Variants in SIK2 observed in about 807,000 individuals in gnomAD.
SIK2 encodes salt inducible kinase 2.
A neutral mutation model predicts 103.2 loss-of-function variants in SIK2; 29 were observed. That is an observed-to-expected ratio of 0.28 (90% CI 0.21 to 0.38). The LOEUF is 0.38. Among genes scored for constraint, SIK2 ranks in the 10% least tolerant of loss-of-function variants. The probability of loss-of-function intolerance (pLI) is 1.00; values close to 1 mark genes in which losing one functional copy is unlikely to be tolerated. For missense variants in SIK2, 879 were observed against 1,171.0 expected (o/e 0.75, Z 3.64); for synonymous variants, 412 against 446.1 (o/e 0.92, Z 0.96).
chr11:111,683,375 A>C (rs941853237), intron 3 of SIK2: 3 of 152,346 alleles, frequency 2.0e-5, no homozygotes, highest in Middle Eastern at 3.4e-3. Flanking sequence ...CAGTTAGTAT[A>C]GACAGTTGCT....
intron 3 of SIK2, among the ~76,000 whole-genome samples, chr11:111,686,203 G>A (rs1942843676): frequency 6.6e-6 from 1 of 152,208 alleles, no homozygotes; most frequent in Non-Finnish European, 1.5e-5. Flanking sequence ...CACTTTGGGA[G>A]GCCAAGGCGG....
chr11:111,673,424 T>C (rs570052009), intron 3 of SIK2, among the ~76,000 whole-genome samples: 77 of 152,352 alleles, frequency 5.1e-4, no homozygotes, highest in African/African-American at 1.7e-3. Context: ...GAAACTACCA[T>C]AGGTGGAGAT....
In SIK2 at chr11:111,723,877, G is replaced by C; in HGVS notation, c.2529G>C (p.Gln843His). The change falls in exon 15 of 15, where the codon CAG (glutamine) becomes CAC (histidine). Residue 843 changes from glutamine (Q) to histidine (H), a missense_variant. Physicochemically the swap from Gln to His is conservative, Grantham distance 24 (BLOSUM62 0). Transcript: ENST00000304987. ...CAGGAGCTGCCCCAGCCCCCTTACA[G>C]TTCTCCTATCAGACTTGTGAGCTGC... Reference protein sequence around the residue: ...RQPGAAPAPLQFSYQTCELPS... With the variant: ...RQPGAAPAPLHFSYQTCELPS... The C allele has an allele frequency of 6.2e-7, 1 of 1,602,190 alleles. No homozygotes were observed. The highest frequency in any genetic ancestry group is 8.5e-7 in the Non-Finnish European group (1 of 1,173,934).
At position 111,690,272 on chromosome 11, in the gene SIK2, C is replaced by CTT. The variant is rs67405245; in HGVS notation, c.478+2126_478+2127dup. On this transcript the variant is annotated intron_variant, in intron 4 of 14. Coordinates refer to ENST00000304987, the MANE Select transcript of SIK2 (RefSeq NM_015191.3). Reference sequence around the variant, plus strand: ...ATTGTCTTTTTCAGAGAAGGTCTTTCTTTTTTTTTTTTTTTTTAAGTCCTT... The same window carrying CTT: ...ATTGTCTTTTTCAGAGAAGGTCTTTCTTTTTTTTTTTTTTTTTTTAAGTCCTT... 2.8e-3 allele frequency among the ~76,000 whole-genome samples: 361 copies of CTT among 130,432 alleles called. 3 individuals are homozygous for CTT. The highest frequency in any genetic ancestry group is 7.2e-3 in the South Asian group (29 of 4,020). 85.6% of individuals were successfully genotyped at this position (130,432 alleles called of 152,430 possible). A position where few individuals can be genotyped will look rare whatever the true frequency, so the allele number is the denominator to read the frequency against.
intron 3 of SIK2, among the ~76,000 whole-genome samples, chr11:111,634,678 G>T (rs535411006): frequency 6.6e-6 from 1 of 152,108 alleles, no homozygotes; most frequent in Admixed American, 6.5e-5. Flanking sequence ...TCTGATTCTT[G>T]TCATTTTTCT....
At chr11:111,612,156 G>A (rs1941736163) in intron 1 of SIK2, among the ~76,000 whole-genome samples, 1 of 152,172 alleles carries the variant, frequency 6.6e-6, no homozygotes, top group Non-Finnish European at 1.5e-5. Context: ...TAAAGTTGGA[G>A]TTAGAAGGCC....
intron 1 of SIK2, among the ~76,000 whole-genome samples, chr11:111,610,920 A>G (rs1378015558): frequency 6.6e-6 from 1 of 152,172 alleles, no homozygotes; most frequent in Non-Finnish European, 1.5e-5. Flanking sequence ...GACTGCACTG[A>G]TATCTCAGTT....
chr11:111,675,660 A>T (rs551186052), intron 3 of SIK2, among the ~76,000 whole-genome samples: 100 of 152,318 alleles, frequency 6.6e-4, no homozygotes, highest in African/African-American at 2.2e-3. Flanking sequence ...TAGTTAGCTA[A>T]CTGTATTGAA....
chr11:111,655,446 T>G (rs1415625339), intron 3 of SIK2, among the ~76,000 whole-genome samples: 1 of 152,232 alleles, frequency 6.6e-6, no homozygotes, highest in Non-Finnish European at 1.5e-5. Context: ...TTTGTTTGCC[T>G]TATTTACCAA....
chr11:111,640,884 G>A (rs961665738), intron 3 of SIK2, among the ~76,000 whole-genome samples: 1 of 151,676 alleles, frequency 6.6e-6, no homozygotes, highest in East Asian at 1.9e-4. Context: ...ACAGGCCCCC[G>A]CTACCACCCT....
At chr11:111,719,130 AT>A (rs1943728380) in intron 9 of SIK2, among the ~76,000 whole-genome samples, 1 of 152,176 alleles carries the variant, frequency 6.6e-6, no homozygotes, top group Non-Finnish European at 1.5e-5. Context: ...GCCCTTTGTT[AT>A]TCTACAATGG....
rs1943999153 is a variant in SIK2 at position 111,727,154 on chromosome 11, C to T, written c.*3025C>T. The T allele has an allele frequency of 2.2e-6, 2 of 918,594 alleles. No individual in the cohort carries two copies. Among genetic ancestry groups the T allele is most frequent in the Non-Finnish European group, 3.5e-6 (2 of 569,898 alleles). The allele number at this position is 918,594 out of a possible 1,614,324, so 56.9% of individuals were successfully genotyped here. ...GTCCCCAGCTGCCCCCTCGCCACCT[C>T]TGCCTGCACTGCCTTCTGTCACCGT... is the stretch of plus-strand genomic sequence containing the variant. On this transcript the variant is annotated 3_prime_UTR_variant, in exon 15 of 15. Coordinates refer to ENST00000304987, the MANE Select transcript of SIK2 (RefSeq NM_015191.3).
At chr11:111,612,073 A>C (rs2135832047) in intron 1 of SIK2, among the ~76,000 whole-genome samples, 1 of 152,286 alleles carries the variant, frequency 6.6e-6, no homozygotes, top group South Asian at 2.1e-4. Context: ...TTTATATCCC[A>C]GGCATAATTC....
chr11:111,651,140 T>C (rs970932629), intron 3 of SIK2, among the ~76,000 whole-genome samples: 5 of 152,304 alleles, frequency 3.3e-5, no homozygotes, highest in Admixed American at 2.0e-4. Flanking sequence ...TTTACTAAGG[T>C]AAAATTAACC....
At chr11:111,683,409 T>C (rs1942803036) in intron 3 of SIK2, 1 of 152,110 alleles carries the variant, frequency 6.6e-6, no homozygotes, top group Admixed American at 6.6e-5. Context: ...GTTTGTTCTG[T>C]AAATAAGGTT....
At chr11:111,652,753 A>G (rs147347619) in intron 3 of SIK2, among the ~76,000 whole-genome samples, 102 of 152,294 alleles carry the variant, frequency 6.7e-4, no homozygotes, top group African/African-American at 2.4e-3. Flanking sequence ...TAACCCTCAC[A>G]TAGGTGGATG....
intron 3 of SIK2, among the ~76,000 whole-genome samples, chr11:111,642,385 A>C (rs935925492): frequency 1.3e-4 from 20 of 152,250 alleles, no homozygotes; most frequent in African/African-American, 3.1e-4. Context: ...AGGTTCTATA[A>C]TTTGCTAGCA....
chr11:111,667,390 A>C (rs552896148), intron 3 of SIK2, among the ~76,000 whole-genome samples: 3 of 151,916 alleles, frequency 2.0e-5, no homozygotes, highest in Non-Finnish European at 4.4e-5. Flanking sequence ...TTTCAATTAG[A>C]TTTTGGAGAT....
At chr11:111,691,754 A>G (rs1198187753) in intron 4 of SIK2, among the ~76,000 whole-genome samples, 4 of 152,186 alleles carry the variant, frequency 2.6e-5, no homozygotes, top group Non-Finnish European at 5.9e-5. Flanking sequence ...ACTATCCTCA[A>G]AAATTTTAGT....
Sources: gnomAD v4.1 joint callset for allele counts (sites outside exome capture counted in the v4.1 genomes callset) on GRCh38, gnomAD v4.1.1 for gene constraint, MANE v1.5 for transcripts, NCBI Gene and HGNC (gene_info 2026-07-23, HGNC 2026-07-21) for gene names.